CNTN3: variants seen among roughly 807,000 people sequenced by gnomAD.
CNTN3 encodes the protein contactin-3.
Under a neutral mutation model 119.1 loss-of-function variants are expected in CNTN3, and 60 were observed. That is an observed-to-expected ratio of 0.50 (90% CI 0.41 to 0.62). CNTN3 has a LOEUF of 0.62. Among genes scored for constraint, CNTN3 ranks in the 20% least tolerant of loss-of-function variants. CNTN3 has a pLI of 0.00. For synonymous variants in CNTN3, 450 were observed against 438.7 expected (o/e 1.03, Z -0.32); for missense variants, 1,101 against 1,242.4 (o/e 0.89, Z 1.71).
Position 74,508,933 on chromosome 3 carries a change from T to A in CNTN3, c.56-9148A>T, listed in dbSNP as rs927180376. Among the ~76,000 whole-genome samples, 6 of 152,114 alleles carry A rather than the reference T, an allele frequency of 3.9e-5. No individual in the cohort carries two copies. The East Asian group carries it at 5.8e-4, about 15-fold the overall frequency. On this transcript the variant is annotated intron_variant, in intron 2 of 22. Coordinates refer to ENST00000263665, the MANE Select transcript of CNTN3 (RefSeq NM_020872.3). ...GGCAATGTAAGAAAAAGTATAAGCA[T>A]CTTAAAAATTGAAAGAGTATCACTG...
intron 4 of CNTN3, among the ~76,000 whole-genome samples, chr3:74,448,965 AT>A (rs2106943305): frequency 6.6e-6 from 1 of 152,132 alleles, no homozygotes; most frequent in East Asian, 1.9e-4. Flanking sequence ...ACATGTTTCC[AT>A]TTTGGTTTCA....
chr3:74,598,012 A>G (rs1704842169), intron 1 of CNTN3, among the ~76,000 whole-genome samples: 1 of 152,030 alleles, frequency 6.6e-6, no homozygotes, highest in Non-Finnish European at 1.5e-5. Flanking sequence ...AGTTCCTTAG[A>G]GTGGAAGATT....
intron 4 of CNTN3, among the ~76,000 whole-genome samples, chr3:74,462,461 C>T (rs1702387328): frequency 6.6e-6 from 1 of 151,998 alleles, no homozygotes. Flanking sequence ...TGGGCTACTG[C>T]CTAGAATACC....
intron 3 of CNTN3, among the ~76,000 whole-genome samples, chr3:74,488,084 A>AT (rs889451733): frequency 6.6e-6 from 1 of 150,956 alleles, no homozygotes; most frequent in Non-Finnish European, 1.5e-5. Context: ...TACTAAGTGT[A>AT]TTTTAAAAGG....
chr3:74,587,545 G>A (rs543533670), intron 1 of CNTN3, among the ~76,000 whole-genome samples: 1 of 152,192 alleles, frequency 6.6e-6, no homozygotes, highest in African/African-American at 2.4e-5. Context: ...AGTATGGGAA[G>A]AAATAAGCTC....
At chr3:74,575,544 C>T (rs1020266896) in intron 1 of CNTN3, among the ~76,000 whole-genome samples, 15 of 149,240 alleles carry the variant, frequency 1.0e-4, no homozygotes, top group Middle Eastern at 6.9e-3. Context: ...GCCACCGCAC[C>T]GAGCTGATTA....
intron 1 of CNTN3, among the ~76,000 whole-genome samples, chr3:74,534,341 T>TC (rs1354091411): frequency 6.6e-6 from 1 of 152,006 alleles, no homozygotes; most frequent in Non-Finnish European, 1.5e-5. Context: ...CCCTCTCATA[T>TC]CCCCACTTTA....
chr3:74,310,215 C>A (rs1315756466), intron 13 of CNTN3, among the ~76,000 whole-genome samples: 1 of 152,002 alleles, frequency 6.6e-6, no homozygotes, highest in African/African-American at 2.4e-5. Flanking sequence ...AGAAAAAAAA[C>A]ATACTGATAT....
intron 5 of CNTN3, among the ~76,000 whole-genome samples, chr3:74,397,758 T>C (rs1017281124): frequency 6.6e-6 from 1 of 152,270 alleles, no homozygotes; most frequent in Non-Finnish European, 1.5e-5. Flanking sequence ...GAAGGACTCA[T>C]CATCCCAGAT....
chr3:74,525,287 T>C (rs956025272), intron 1 of CNTN3, among the ~76,000 whole-genome samples: 4 of 151,938 alleles, frequency 2.6e-5, no homozygotes, highest in Non-Finnish European at 5.9e-5. Context: ...CGTACACACA[T>C]GCATACACTG....
At chr3:74,374,166 C>T (rs1194089396) in intron 5 of CNTN3, among the ~76,000 whole-genome samples, 1 of 152,112 alleles carries the variant, frequency 6.6e-6, no homozygotes, top group African/African-American at 2.4e-5. Flanking sequence ...CAGAACTGTG[C>T]TGCAGTCTGA....
chr3:74,508,863 A>T (rs1703313112), intron 2 of CNTN3, among the ~76,000 whole-genome samples: 1 of 152,194 alleles, frequency 6.6e-6, no homozygotes. Context: ...TGACAACTGC[A>T]AGATATTTCT....
chr3:74,279,426 AAC>A lies in CNTN3; in HGVS notation c.2704+5877_2704+5878del, dbSNP rs1176763830. Among the ~76,000 whole-genome samples, 5 of 152,102 alleles carry A rather than the reference AAC, an allele frequency of 3.3e-5. No homozygotes were observed. In the East Asian group the frequency reaches 9.6e-4, roughly 29 times the overall value. On this transcript the variant is annotated intron_variant, in intron 20 of 22. Transcript: ENST00000263665. ...ATATATACATATACATACACATACA[AAC>A]ACACACACATATGATGGAATATTAC...
intron 4 of CNTN3, among the ~76,000 whole-genome samples, chr3:74,439,103 C>A (rs1387802689): frequency 6.6e-6 from 1 of 152,028 alleles, no homozygotes; most frequent in African/African-American, 2.4e-5. Context: ...TGATTTTCAT[C>A]AAAATAAGAG....
At chr3:74,520,771 C>T (rs865846311) in intron 2 of CNTN3, among the ~76,000 whole-genome samples, 17 of 151,432 alleles carry the variant, frequency 1.1e-4, no homozygotes, top group Middle Eastern at 6.9e-3. Flanking sequence ...AATTAACATG[C>T]TCAAATTTGA....
intron 1 of CNTN3, among the ~76,000 whole-genome samples, chr3:74,552,932 C>T (rs116425361): frequency 0.037 from 5,643 of 152,184 alleles, 139 homozygotes; most frequent in South Asian, 0.068. Flanking sequence ...AATTAAACCT[C>T]ACTCCTTTCT....
intron 13 of CNTN3, among the ~76,000 whole-genome samples, chr3:74,307,558 A>T (rs1702590661): frequency 6.6e-6 from 1 of 152,186 alleles, no homozygotes; most frequent in African/African-American, 2.4e-5. Flanking sequence ...TTAGATGATG[A>T]CACTAATGGA....
At chr3:74,394,874 G>T (rs1168922663) in intron 5 of CNTN3, among the ~76,000 whole-genome samples, 1 of 152,006 alleles carries the variant, frequency 6.6e-6, no homozygotes, top group Non-Finnish European at 1.5e-5. Context: ...AAAATGATGT[G>T]CGTGGAAGTG....
chr3:74,596,390 G>A (rs1279362126), intron 1 of CNTN3, among the ~76,000 whole-genome samples: 2 of 152,114 alleles, frequency 1.3e-5, no homozygotes, highest in Admixed American at 1.3e-4. Context: ...TCAATCCTAA[G>A]CTGGAAGAAC....
Sources: allele counts gnomAD v4.1 joint callset (sites outside exome capture counted in the v4.1 genomes callset), GRCh38; gene constraint gnomAD v4.1.1; transcripts MANE v1.5; gene names NCBI Gene and HGNC (gene_info 2026-07-23, HGNC 2026-07-21).